Variants in PCDH9 observed in about 807,000 individuals in gnomAD.
The protein encoded by PCDH9 is protocadherin-9.
A neutral mutation model predicts 70.6 loss-of-function variants in PCDH9; 24 were observed. That is an observed-to-expected ratio of 0.34 (90% confidence interval 0.25 to 0.48). The LOEUF is 0.48. Ranked by LOEUF, PCDH9 falls within the 20% of genes least tolerant of loss-of-function variation. The probability of loss-of-function intolerance (pLI) is 0.99; values close to 1 mark genes in which losing one functional copy is unlikely to be tolerated. For missense variants in PCDH9, 1,281 were observed against 1,503.6 expected, an observed-to-expected ratio of 0.85 and a Z score of 2.45; for synonymous variants, 562 against 558.5, an observed-to-expected ratio of 1.01 and a Z score of -0.09.
chr13:67,166,067 C>A (rs1306183672), intron 2 of PCDH9, among the ~76,000 whole-genome samples: 1 of 152,056 alleles, frequency 6.6e-6, no homozygotes, highest in Non-Finnish European at 1.5e-5. Flanking sequence ...AGTCAATTTG[C>A]CTGAATGGTT....
intron 4 of PCDH9, among the ~76,000 whole-genome samples, chr13:66,478,733 G>T (rs1033726783): frequency 1.3e-5 from 2 of 152,136 alleles, no homozygotes; most frequent in African/African-American, 2.4e-5. Flanking sequence ...AGAAAAATTT[G>T]AAGCTAGCAA....
chr13:66,790,036 C>G (rs916557368), intron 3 of PCDH9, among the ~76,000 whole-genome samples: 1 of 152,038 alleles, frequency 6.6e-6, no homozygotes. Context: ...TAATGCTAAA[C>G]GTTTTTAAGG....
At position 67,128,701 on chromosome 13, in the gene PCDH9, T is replaced by G. The variant is rs1176560664; in HGVS notation, c.3036+96704A>C. The stretch of plus-strand genomic sequence containing the variant: ...TAGGAAGTAGAGCCTCTGTTACCAC[T>G]GAGGCTTTTGTGGATAAACGATAGT... On this transcript the variant is annotated intron_variant, in intron 2 of 4. Transcript: ENST00000377865. Among the ~76,000 whole-genome samples the G allele has an allele frequency of 4.6e-5, 7 of 152,178 alleles. No homozygotes were observed. The South Asian group carries it at 1.4e-3, about 31-fold the overall frequency.
intron 2 of PCDH9, among the ~76,000 whole-genome samples, chr13:67,118,919 G>GA (rs546358978): frequency 4.6e-5 from 7 of 152,180 alleles, no homozygotes; most frequent in Non-Finnish European, 7.4e-5. Flanking sequence ...TATTTGCTCA[G>GA]AAAAAAGCTA....
intron 3 of PCDH9, among the ~76,000 whole-genome samples, chr13:66,641,871 G>A (rs1403889939): frequency 6.6e-6 from 1 of 152,110 alleles, no homozygotes; most frequent in African/African-American, 2.4e-5. Context: ...TAATGGTATT[G>A]TGAAAAATGT....
intron 3 of PCDH9, among the ~76,000 whole-genome samples, chr13:66,649,229 T>C (rs1343875723): frequency 6.6e-6 from 1 of 152,068 alleles, no homozygotes; most frequent in Admixed American, 6.6e-5. Context: ...ACCAAGTAGA[T>C]TTAACTCAAA....
intron 3 of PCDH9, among the ~76,000 whole-genome samples, chr13:66,770,785 T>C (rs1433190939): frequency 6.6e-6 from 1 of 152,240 alleles, no homozygotes; most frequent in African/African-American, 2.4e-5. Flanking sequence ...TTTGTCTTTT[T>C]GAGCTAAAAA....
At chr13:67,067,201 A>C (rs2085665117) in intron 2 of PCDH9, among the ~76,000 whole-genome samples, 1 of 152,182 alleles carries the variant, frequency 6.6e-6, no homozygotes, top group Non-Finnish European at 1.5e-5. Context: ...TGTCTGTGTT[A>C]ATGAGCAAAG....
At chr13:66,839,514 G>A (rs1432051155) in intron 3 of PCDH9, among the ~76,000 whole-genome samples, 2 of 152,192 alleles carry the variant, frequency 1.3e-5, no homozygotes, top group South Asian at 2.1e-4. Flanking sequence ...CTTCCTGTGC[G>A]ATGGGTACTT....
chr13:66,305,494 T>C (rs561461208), intron 4 of PCDH9, among the ~76,000 whole-genome samples: 40 of 152,008 alleles, frequency 2.6e-4, no homozygotes, highest in Admixed American at 1.6e-3. Flanking sequence ...AAAAGCAAAA[T>C]TACCACTTGA....
At chr13:66,484,324 T>C (rs1958900120) in intron 4 of PCDH9, among the ~76,000 whole-genome samples, 1 of 152,002 alleles carries the variant, frequency 6.6e-6, no homozygotes. Flanking sequence ...CACCCCTAGA[T>C]ACATACTGCC....
chr13:66,942,597 G>A (rs936391238), intron 2 of PCDH9, among the ~76,000 whole-genome samples: 7 of 152,072 alleles, frequency 4.6e-5, no homozygotes, highest in Admixed American at 1.3e-4. Flanking sequence ...TGATGAAAGC[G>A]TCATCTCTGT....
At chr13:66,709,557 A>T (rs2078764214) in intron 3 of PCDH9, among the ~76,000 whole-genome samples, 1 of 152,196 alleles carries the variant, frequency 6.6e-6, no homozygotes, top group Admixed American at 6.5e-5. Context: ...AATATGATTG[A>T]TTAGTGAGTT....
intron 4 of PCDH9, among the ~76,000 whole-genome samples, chr13:66,574,825 C>T (rs989997579): frequency 6.6e-6 from 1 of 152,166 alleles, no homozygotes; most frequent in African/African-American, 2.4e-5. Context: ...CAGCCACAAA[C>T]AATTCCACTG....
intron 2 of PCDH9, among the ~76,000 whole-genome samples, chr13:66,925,524 A>G (rs953815336): frequency 1.2e-4 from 18 of 151,970 alleles, no homozygotes; most frequent in African/African-American, 4.1e-4. Context: ...TCTTAGTTGC[A>G]TTTCCTGTTC....
At chr13:66,866,242 G>C (rs1463866732) in intron 3 of PCDH9, among the ~76,000 whole-genome samples, 1 of 152,106 alleles carries the variant, frequency 6.6e-6, no homozygotes, top group Non-Finnish European at 1.5e-5. Flanking sequence ...CAGCACTTTG[G>C]GAGGCCGAGG....
intron 2 of PCDH9, chr13:67,202,600 T>A (rs1042706448): frequency 3.9e-5 from 6 of 152,076 alleles, no homozygotes; most frequent in African/African-American, 1.2e-4. Context: ...GAAAAGCATA[T>A]ACACCTTCTG....
At chr13:66,688,106 C>T (rs1020745406) in intron 3 of PCDH9, among the ~76,000 whole-genome samples, 1 of 152,178 alleles carries the variant, frequency 6.6e-6, no homozygotes, top group Non-Finnish European at 1.5e-5. Context: ...CTTCTATACA[C>T]TATTTTCTTC....
chr13:66,689,241 G>A (rs1245857787), intron 3 of PCDH9, among the ~76,000 whole-genome samples: 1 of 152,114 alleles, frequency 6.6e-6, no homozygotes, highest in Non-Finnish European at 1.5e-5. Context: ...GCCCTCTAGT[G>A]TTCCAAAACT....
Sources: allele counts gnomAD v4.1 joint callset (sites outside exome capture counted in the v4.1 genomes callset), GRCh38; gene constraint gnomAD v4.1.1; transcripts MANE v1.5; gene names NCBI Gene and HGNC (gene_info 2026-07-23, HGNC 2026-07-21).